The following EXOC6B variants were observed in gnomAD, a reference collection of about 807,000 sequenced individuals.
The protein encoded by EXOC6B is SEC15 homolog B.
In EXOC6B, 54 loss-of-function variants were observed where a neutral mutation model predicts 113.5. The ratio of observed to expected loss-of-function variants is 0.48; its 90% CI spans 0.38 to 0.60. EXOC6B has a LOEUF of 0.60. EXOC6B is among the 20% of genes least tolerant of loss of function. The pLI is 0.00. For synonymous variants in EXOC6B, 357 were observed against 339.0 expected (o/e 1.05, Z -0.58); for missense variants, 797 against 977.5 (o/e 0.82, Z 2.46).
chr2:72,565,246 G>T (rs1357281119), intron 7 of EXOC6B, among the ~76,000 whole-genome samples: 1 of 151,538 alleles, frequency 6.6e-6, no homozygotes, highest in Non-Finnish European at 1.5e-5. Flanking sequence ...AGCTACTCAG[G>T]AGGCTGAAGT....
At chr2:72,781,835 A>C (rs762009009) in intron 1 of EXOC6B, among the ~76,000 whole-genome samples, 6 of 152,104 alleles carry the variant, frequency 3.9e-5, no homozygotes, top group Non-Finnish European at 7.4e-5. Context: ...CCTGGAAGGG[A>C]AAAAGAAATA....
intron 6 of EXOC6B, among the ~76,000 whole-genome samples, chr2:72,639,113 C>T (rs1458092720): frequency 1.3e-5 from 2 of 152,186 alleles, no homozygotes; most frequent in Admixed American, 1.3e-4. Context: ...CAGCTCCCCA[C>T]ATTGCTTTGC....
chr2:72,645,241 C>T (rs566941839), intron 6 of EXOC6B, among the ~76,000 whole-genome samples: 40 of 152,196 alleles, frequency 2.6e-4, no homozygotes, highest in Admixed American at 5.2e-4. Context: ...AAGAACTAAC[C>T]ATGCTAAATA....
At chr2:72,200,115 T>C (rs983887143) in intron 20 of EXOC6B, among the ~76,000 whole-genome samples, 6 of 152,144 alleles carry the variant, frequency 3.9e-5, no homozygotes, top group African/African-American at 7.2e-5. Context: ...CAGGCTGGTC[T>C]TGAACTCCTG....
At chr2:72,724,644 G>A (rs571127054) in intron 5 of EXOC6B, among the ~76,000 whole-genome samples, 1 of 151,964 alleles carries the variant, frequency 6.6e-6, no homozygotes, top group South Asian at 2.1e-4. Flanking sequence ...TACCAGAAGT[G>A]GCAGAATTCG....
At chr2:72,502,593 T>G (rs1432705227) in intron 11 of EXOC6B, among the ~76,000 whole-genome samples, 1 of 152,158 alleles carries the variant, frequency 6.6e-6, no homozygotes, top group Non-Finnish European at 1.5e-5. Context: ...AGAGTAAACT[T>G]TGAATCCTCA....
At position 72,187,575 on chromosome 2, in the gene EXOC6B, C is replaced by T. The variant is rs1477570152; in HGVS notation, c.2197-3388G>A. 3.3e-5 allele frequency among the ~76,000 whole-genome samples: 5 copies of T among 152,230 alleles called. No homozygotes were observed. In the South Asian group the frequency reaches 6.2e-4, roughly 19 times the overall value. ...AGAAAGGGTTGCTCCTCTCTGCAGG[C>T]AGGTTGTCTCGATAAGTGTTCAGCT... On this transcript the variant is annotated intron_variant, in intron 20 of 21. Coordinates refer to ENST00000272427, the MANE Select transcript of EXOC6B (RefSeq NM_015189.3).
rs937552600 is a variant in EXOC6B at position 72,526,145 on chromosome 2, C to T, written c.916-11019G>A. Among the ~76,000 whole-genome samples, 4 of 151,992 alleles carry T rather than the reference C, an allele frequency of 2.6e-5. No individual in the cohort carries two copies. In the East Asian group the frequency reaches 5.8e-4, roughly 22 times the overall value. On this transcript the variant is annotated intron_variant, in intron 8 of 21. Transcript: ENST00000272427. ...CAGACAAATAACTTAATCTGTTTCA[C>T]GTTGCCAAAAGGAATAGAGGCTCTG...
intron 18 of EXOC6B, among the ~76,000 whole-genome samples, chr2:72,426,934 G>A (rs542699672): frequency 2.0e-5 from 3 of 152,322 alleles, no homozygotes; most frequent in South Asian, 4.1e-4. Flanking sequence ...CCATGTCCCC[G>A]AGGCAGCCAA....
In EXOC6B at chr2:72,405,263, G is replaced by C. The variant is rs555700286; in HGVS notation, c.1981-25393C>G. ...AAAGTGACAGGGAGAATGGAACCAA[G>C]TCAGAAAACACTCTGCAGGATATTA... On this transcript the variant is annotated intron_variant, in intron 18 of 21. Coordinates refer to ENST00000272427, the MANE Select transcript of EXOC6B (RefSeq NM_015189.3). Among the ~76,000 whole-genome samples, 104 of 152,308 alleles carry C rather than the reference G, an allele frequency of 6.8e-4. 1 individual carries two copies. The highest frequency in any genetic ancestry group is 1.4e-3 in the Admixed American group (21 of 15,298).
chr2:72,450,889 C>T (rs1056161528), intron 18 of EXOC6B, among the ~76,000 whole-genome samples: 5 of 152,078 alleles, frequency 3.3e-5, no homozygotes, highest in South Asian at 2.1e-4. Context: ...TCATTCCCTG[C>T]GCTACTCAAG....
At chr2:72,441,681 G>A (rs755275202) in intron 18 of EXOC6B, among the ~76,000 whole-genome samples, 4 of 152,032 alleles carry the variant, frequency 2.6e-5, no homozygotes, top group African/African-American at 4.8e-5. Context: ...ACCCTCACAA[G>A]ACTAAACCAG....
chr2:72,635,057 T>C (rs1336176501), intron 6 of EXOC6B, among the ~76,000 whole-genome samples: 1 of 152,028 alleles, frequency 6.6e-6, no homozygotes, highest in Non-Finnish European at 1.5e-5. Flanking sequence ...TAGTAGGATA[T>C]AGCTAATGCA....
intron 20 of EXOC6B, among the ~76,000 whole-genome samples, chr2:72,308,678 T>C (rs757296242): frequency 1.1e-3 from 172 of 152,262 alleles, no homozygotes; most frequent in Non-Finnish European, 1.9e-3. Flanking sequence ...TGGGCTAACA[T>C]TCTGGGCCAG....
At chr2:72,273,376 A>T (rs184444155) in intron 20 of EXOC6B, among the ~76,000 whole-genome samples, 1 of 152,284 alleles carries the variant, frequency 6.6e-6, no homozygotes, top group Admixed American at 6.5e-5. Context: ...TGAGATAAGG[A>T]TATAAAAACG....
At chr2:72,344,120 A>G (rs1037659045) in intron 19 of EXOC6B, among the ~76,000 whole-genome samples, 6 of 151,886 alleles carry the variant, frequency 4.0e-5, no homozygotes, top group African/African-American at 9.7e-5. Context: ...ACTTTTTTCA[A>G]TCATCTTTCT....
At chr2:72,224,821 CGTGT>C (rs1426497125) in intron 20 of EXOC6B, among the ~76,000 whole-genome samples, 4 of 102,784 alleles carry the variant, frequency 3.9e-5, no homozygotes. Flanking sequence ...TGTGTGTGTG[CGTGT>C]GTGTATGTGT....
chr2:72,406,083 A>G (rs1249767704), intron 18 of EXOC6B, among the ~76,000 whole-genome samples: 1 of 152,224 alleles, frequency 6.6e-6, no homozygotes, highest in Non-Finnish European at 1.5e-5. Flanking sequence ...CTTTAAACCA[A>G]CAAAGATCAA....
intron 6 of EXOC6B, among the ~76,000 whole-genome samples, chr2:72,660,198 GA>G (rs879819855): frequency 0.029 from 4,130 of 140,726 alleles, 59 homozygotes; most frequent in South Asian, 0.032. Context: ...CAAAAAGCTG[GA>G]AAAAAAAAAA....
Sources: gnomAD v4.1 joint callset for allele counts (sites outside exome capture counted in the v4.1 genomes callset) on GRCh38, gnomAD v4.1.1 for gene constraint, MANE v1.5 for transcripts, NCBI Gene and HGNC (gene_info 2026-07-23, HGNC 2026-07-21) for gene names.